ANTXR2: variants seen among roughly 807,000 people sequenced by gnomAD.
ANTXR2 encodes the protein anthrax toxin receptor 2.
In ANTXR2, 44 loss-of-function variants were observed where a neutral mutation model predicts 73.7. The ratio of observed to expected loss-of-function variants is 0.60; its 90% CI spans 0.47 to 0.77. The LOEUF is 0.77. Ranked by LOEUF, ANTXR2 falls within the 30% of genes least tolerant of loss-of-function variation. The pLI is 0.00. For synonymous variants in ANTXR2, 217 were observed against 205.9 expected, an observed-to-expected ratio of 1.05 and a Z score of -0.46; for missense variants, 604 against 592.5, an observed-to-expected ratio of 1.02 and a Z score of -0.20.
intron 12 of ANTXR2, among the ~76,000 whole-genome samples, chr4:79,988,681 A>T (rs1730318368): frequency 6.6e-6 from 1 of 152,094 alleles, no homozygotes; most frequent in Non-Finnish European, 1.5e-5. Flanking sequence ...CCCAACAACA[A>T]CAGAATATAC....
intron 11 of ANTXR2, among the ~76,000 whole-genome samples, chr4:80,017,246 CAG>C (rs1261855946): frequency 2.0e-5 from 3 of 152,192 alleles, no homozygotes; most frequent in Non-Finnish European, 4.4e-5. Context: ...TGAAACTTGC[CAG>C]AGACTTGTCA....
At position 79,907,419 on chromosome 4, in the gene ANTXR2, T is replaced by G; in HGVS notation, c.*10A>C. On this transcript the variant is annotated 3_prime_UTR_variant, in exon 17 of 17. Coordinates refer to ENST00000403729, the MANE Select transcript of ANTXR2 (RefSeq NM_058172.6). ...CATCTTCGTACCTTCTTGGTCTTCC[T>G]GCTTCCCTTTTACTGAGATGGAACT... 17 of 1,612,264 alleles carry G rather than the reference T, an allele frequency of 1.1e-5. No homozygotes were observed. Among genetic ancestry groups the G allele is most frequent in the Non-Finnish European group, 1.2e-5 (14 of 1,178,862 alleles).
intron 2 of ANTXR2, among the ~76,000 whole-genome samples, chr4:80,070,492 T>C (rs147012576): frequency 6.6e-6 from 1 of 152,376 alleles, no homozygotes; most frequent in East Asian, 1.9e-4. Context: ...CTGTCTGTTC[T>C]GCCTTTGACA....
Position 80,018,024 on chromosome 4 carries a change from C to T in ANTXR2, c.945+874G>A, listed in dbSNP as rs186445928. On this transcript the variant is annotated intron_variant, in intron 11 of 16. Coordinates refer to ENST00000403729, the MANE Select transcript of ANTXR2 (RefSeq NM_058172.6). ...AATGCAACTACCTCTATACAGATAA[C>T]ATTGAATTGTTTTGTTTTGTTTTCT... 4.5e-3 allele frequency among the ~76,000 whole-genome samples: 678 copies of T among 152,234 alleles called. 8 individuals are homozygous for T. The highest frequency in any genetic ancestry group is 0.015 in the African/African-American group (643 of 41,530).
chr4:80,047,577 C>T (rs1365386445), intron 7 of ANTXR2, among the ~76,000 whole-genome samples: 1 of 151,560 alleles, frequency 6.6e-6, no homozygotes, highest in Non-Finnish European at 1.5e-5. Flanking sequence ...CTCCCTTGCC[C>T]CCAACAGAAT....
chr4:79,953,989 A>G (rs1728801292), intron 16 of ANTXR2, among the ~76,000 whole-genome samples: 1 of 152,186 alleles, frequency 6.6e-6, no homozygotes, highest in South Asian at 2.1e-4. Flanking sequence ...ACATATTAAT[A>G]TAACTAAAAC....
At chr4:80,007,515 G>A (rs1176339806) in intron 12 of ANTXR2, among the ~76,000 whole-genome samples, 1 of 152,064 alleles carries the variant, frequency 6.6e-6, no homozygotes, top group African/African-American at 2.4e-5. Flanking sequence ...TTATCTTAAT[G>A]GCAAAAGGGA....
chr4:80,035,947 G>T, intron 8 of ANTXR2, 25 bp downstream of exon 8: 2 of 1,504,726 alleles, frequency 1.3e-6, no homozygotes, highest in Non-Finnish European at 1.8e-6. Flanking sequence ...TTCTTACATG[G>T]TATTTTTAAA....
At chr4:80,008,656 G>T in intron 11 of ANTXR2, 40 bp from the exon 12 acceptor site, 1 of 1,345,688 alleles carries the variant, frequency 7.4e-7, no homozygotes. Flanking sequence ...AGTCAGCACA[G>T]CTTATGGTCA....
intron 3 of ANTXR2, among the ~76,000 whole-genome samples, chr4:80,057,536 T>C (rs1286255901): frequency 6.6e-6 from 1 of 151,956 alleles, no homozygotes; most frequent in Non-Finnish European, 1.5e-5. Flanking sequence ...ATGACCCTAA[T>C]CCTTCTCTTT....
intron 16 of ANTXR2, among the ~76,000 whole-genome samples, chr4:79,934,218 T>G (rs1399045530): frequency 6.6e-6 from 1 of 152,132 alleles, no homozygotes; most frequent in Non-Finnish European, 1.5e-5. Context: ...TTGTCAAGAA[T>G]GTAGGTTGTC....
chr4:80,063,614 C>A (rs1475489380), intron 3 of ANTXR2, among the ~76,000 whole-genome samples: 3 of 152,136 alleles, frequency 2.0e-5, no homozygotes, highest in East Asian at 3.9e-4. Flanking sequence ...ATACACCCCC[C>A]TCACCATATA....
rs1408281181 is a variant in ANTXR2, at chr4:80,070,905, CT to C, written c.224+677del. Among the ~76,000 whole-genome samples, 4 of 152,128 alleles carry C rather than the reference CT, an allele frequency of 2.6e-5. No homozygotes were observed. The East Asian group carries it at 7.7e-4, about 29-fold the overall frequency. The stretch of plus-strand genomic sequence containing the variant: ...GAAGGAAAAAAAAAGCCTCAAAAGC[CT>C]AGTGTCCTGAGGTTATTTTTAAATA... On this transcript the variant is annotated intron_variant, in intron 2 of 16. Transcript: ENST00000403729.
chr4:80,035,749 C>G (rs1732923210), intron 8 of ANTXR2, among the ~76,000 whole-genome samples: 1 of 151,998 alleles, frequency 6.6e-6, no homozygotes, highest in Non-Finnish European at 1.5e-5. Context: ...ATTCTAAAAG[C>G]CTGTCACACA....
chr4:79,951,604 AC>A (rs1302833158), intron 16 of ANTXR2, among the ~76,000 whole-genome samples: 3 of 151,278 alleles, frequency 2.0e-5, no homozygotes, highest in Non-Finnish European at 4.4e-5. Context: ...AAAAAAAAAA[AC>A]AACAAAAAGA....
rs1192884328 is a variant in ANTXR2 at position 79,904,629 on chromosome 4, C to G, written c.*2800G>C. 1.3e-5 allele frequency: 2 copies of G among 151,954 alleles called. No homozygotes were observed. Among genetic ancestry groups the G allele is most frequent in the East Asian group, 3.9e-4 (2 of 5,184 alleles). 9.4% of individuals were successfully genotyped at this position (151,954 alleles called of 1,614,324 possible). On this transcript the variant is annotated 3_prime_UTR_variant, in exon 17 of 17. Coordinates refer to ENST00000403729, the MANE Select transcript of ANTXR2 (RefSeq NM_058172.6). ...CATTGTTATGAAATATATATAGATGCCTTCAAAACTTTCTTTCTAGGCAGA... is the reference window on the plus strand; with the variant it reads ...CATTGTTATGAAATATATATAGATGGCTTCAAAACTTTCTTTCTAGGCAGA...
chr4:80,000,525 A>C (rs1029693500), intron 12 of ANTXR2, among the ~76,000 whole-genome samples: 12 of 152,108 alleles, frequency 7.9e-5, no homozygotes, highest in Admixed American at 7.2e-4. Context: ...TAGAATACAC[A>C]CAGTACCTGC....
chr4:79,980,979 A>G (rs902104945), intron 14 of ANTXR2, among the ~76,000 whole-genome samples: 2 of 151,880 alleles, frequency 1.3e-5, no homozygotes, highest in Non-Finnish European at 2.9e-5. Flanking sequence ...GCATGCTTTT[A>G]AAACAAATTT....
chr4:80,026,876 G>A (rs1440573684), intron 10 of ANTXR2, among the ~76,000 whole-genome samples: 1 of 152,074 alleles, frequency 6.6e-6, no homozygotes, highest in East Asian at 1.9e-4. Flanking sequence ...AGGTGTTCAT[G>A]TGTTAAAAGA....
Sources: allele counts gnomAD v4.1 joint callset (sites outside exome capture counted in the v4.1 genomes callset), GRCh38; gene constraint gnomAD v4.1.1; transcripts MANE v1.5; gene names NCBI Gene and HGNC (gene_info 2026-07-23, HGNC 2026-07-21).